Variants in FBXL2 observed in about 807,000 individuals in gnomAD.
The protein encoded by FBXL2 is F-box and leucine rich repeat protein 2.
Under a neutral mutation model 69.2 loss-of-function variants are expected in FBXL2, and 38 were observed. The ratio of observed to expected loss-of-function variants is 0.55; its 90% CI spans 0.42 to 0.72. FBXL2 has a LOEUF of 0.72. FBXL2 is among the 30% of genes least tolerant of loss of function. The probability of loss-of-function intolerance (pLI) is 0.00; values close to 1 mark genes in which losing one functional copy is unlikely to be tolerated. For synonymous variants in FBXL2, 192 were observed against 201.3 expected (o/e 0.95, Z 0.39); for missense variants, 354 against 520.3 (o/e 0.68, Z 3.11).
At chr3:33,297,775 C>A in intron 2 of FBXL2, 50 bp downstream of exon 2, 1 of 1,057,980 alleles carries the variant, frequency 9.5e-7, no homozygotes, top group Non-Finnish European at 1.4e-6. Flanking sequence ...ATTTAGTCAT[C>A]AAGTTCCAAG....
chr3:33,382,833 T>C (rs561765970), intron 13 of FBXL2: 2 of 152,338 alleles, frequency 1.3e-5, no homozygotes, highest in Non-Finnish European at 2.9e-5. Context: ...AGAACTAAAT[T>C]TCTTTACATA....
At chr3:33,401,733 T>C (rs2044236235) in intron 12 of FBXL2, among the ~76,000 whole-genome samples, 1 of 152,188 alleles carries the variant, frequency 6.6e-6, no homozygotes, top group Admixed American at 6.5e-5. Context: ...CACTAATGTA[T>C]CAGAACACTT....
At chr3:33,353,888 G>A (rs954466832) in intron 2 of FBXL2, among the ~76,000 whole-genome samples, 1 of 151,980 alleles carries the variant, frequency 6.6e-6, no homozygotes, top group Non-Finnish European at 1.5e-5. Context: ...ACCATGTCTG[G>A]GAAGAAAAAA....
At chr3:33,393,166 A>C in intron 12 of FBXL2, 1 of 909,400 alleles carries the variant, frequency 1.1e-6, no homozygotes, top group Non-Finnish European at 1.6e-6. Context: ...CTTGGTTATA[A>C]GTTCTTCCAA....
At chr3:33,315,648 A>G (rs1421782284) in intron 2 of FBXL2, among the ~76,000 whole-genome samples, 2 of 151,992 alleles carry the variant, frequency 1.3e-5, no homozygotes, top group African/African-American at 4.8e-5. Flanking sequence ...TTTCATTTAT[A>G]ATTCTATTCT....
intron 2 of FBXL2, among the ~76,000 whole-genome samples, chr3:33,341,330 A>T (rs980839013): frequency 1.2e-4 from 18 of 152,324 alleles, no homozygotes; most frequent in African/African-American, 4.3e-4. Context: ...TGATTTCTTC[A>T]ACAAATAACT....
Position 33,386,820 on chromosome 3 carries a change from C to T in FBXL2, c.*1212C>T, listed in dbSNP as rs201975102. 8.1e-5 allele frequency: 12 copies of T among 148,838 alleles called. 1 individual carries two copies. The East Asian group carries it at 2.2e-3, about 27-fold the overall frequency. The allele number at this position is 148,838 out of a possible 1,614,324, so 9.2% of individuals were successfully genotyped here. A position where few individuals can be genotyped will look rare whatever the true frequency, so the allele number is the denominator to read the frequency against. On this transcript the variant is annotated 3_prime_UTR_variant, in exon 15 of 15. Coordinates refer to ENST00000484457, the MANE Select transcript of FBXL2 (RefSeq NM_012157.5). ...TATTAAGAACCTGTCAATCAGTCAT[C>T]ACCACCTTCATTGTAAACTTAGGTG...
intron 1 of FBXL2, among the ~76,000 whole-genome samples, chr3:33,282,517 C>G (rs2125671586): frequency 6.6e-6 from 1 of 152,240 alleles, no homozygotes; most frequent in Admixed American, 6.5e-5. Context: ...TTAGAATTGT[C>G]TTGGCAATGC....
At chr3:33,393,237 T>G (rs1449649002) in intron 12 of FBXL2, 12 of 1,410,576 alleles carry the variant, frequency 8.5e-6, no homozygotes, top group Non-Finnish European at 9.5e-6. Flanking sequence ...GTCACAGAAT[T>G]TTTCTACAGT....
intron 2 of FBXL2, among the ~76,000 whole-genome samples, chr3:33,343,830 G>A (rs1189759342): frequency 6.6e-6 from 1 of 151,988 alleles, no homozygotes; most frequent in East Asian, 1.9e-4. Context: ...GTCTTCATTT[G>A]TACTCTTGCC....
At chr3:33,340,888 C>G (rs1167101859) in intron 2 of FBXL2, among the ~76,000 whole-genome samples, 1 of 111,116 alleles carries the variant, frequency 9.0e-6, no homozygotes, top group Non-Finnish European at 1.7e-5. Flanking sequence ...AGTGAGATTC[C>G]TTTGCCCAAA....
chr3:33,351,264 C>CA (rs1294714883), intron 2 of FBXL2, among the ~76,000 whole-genome samples: 8 of 150,304 alleles, frequency 5.3e-5, no homozygotes, highest in African/African-American at 9.8e-5. Flanking sequence ...GATTCTGTCT[C>CA]AAAAAAATAA....
At chr3:33,418,654 T>A in the FBXL2 span, among the ~76,000 whole-genome samples, 5 of 151,348 alleles carry the variant, frequency 3.3e-5, no homozygotes, top group Admixed American at 3.3e-4. Context: ...AGGTTGGGAG[T>A]TCGAGACCAG....
At chr3:33,409,988 T>C in the FBXL2 span, among the ~76,000 whole-genome samples, 3 of 152,246 alleles carry the variant, frequency 2.0e-5, no homozygotes, top group Non-Finnish European at 4.4e-5. Context: ...CTTCATTGTT[T>C]AGAGCTTCTG....
chr3:33,298,127 A>T (rs573369349), intron 2 of FBXL2, among the ~76,000 whole-genome samples: 1 of 152,346 alleles, frequency 6.6e-6, no homozygotes, highest in Non-Finnish European at 1.5e-5. Flanking sequence ...AATGCAAAAA[A>T]TAAGCACAGT....
intron 5 of FBXL2, among the ~76,000 whole-genome samples, chr3:33,368,396 A>G (rs956828067): frequency 6.6e-6 from 1 of 152,230 alleles, no homozygotes; most frequent in African/African-American, 2.4e-5. Context: ...GTATATAAAC[A>G]TTTAGAATTG....
At chr3:33,402,794 T>G (rs623244) in intron 12 of FBXL2, 1,051,300 of 1,545,238 alleles carry the variant, frequency 0.68, 363,820 homozygotes, top group Non-Finnish European at 0.72. Flanking sequence ...TCACACAAAC[T>G]AGATACCTGT....
At chr3:33,352,462 G>T (rs1276288896) in intron 2 of FBXL2, among the ~76,000 whole-genome samples, 1 of 152,130 alleles carries the variant, frequency 6.6e-6, no homozygotes, top group Admixed American at 6.6e-5. Flanking sequence ...GAGTAAATTG[G>T]ACTTTATTAA....
At chr3:33,366,682 T>G (rs1195357944) in intron 5 of FBXL2, among the ~76,000 whole-genome samples, 4 of 151,984 alleles carry the variant, frequency 2.6e-5, no homozygotes, top group Non-Finnish European at 4.4e-5. Flanking sequence ...AAAAACAATT[T>G]GGCTGGGTGC....
Sources: gnomAD v4.1 joint callset for allele counts (sites outside exome capture counted in the v4.1 genomes callset) on GRCh38, gnomAD v4.1.1 for gene constraint, MANE v1.5 for transcripts, NCBI Gene and HGNC (gene_info 2026-07-23, HGNC 2026-07-21) for gene names.